Variants in KCNK13 observed in about 807,000 individuals in gnomAD.
The protein encoded by KCNK13 is potassium two pore domain channel subfamily K member 13.
Under a neutral mutation model 23.4 loss-of-function variants are expected in KCNK13, and 12 were observed. The observed-to-expected ratio is 0.51, with a 90% confidence interval of 0.33 to 0.83. KCNK13 has a LOEUF of 0.83. Ranked by LOEUF, KCNK13 falls within the 40% of genes least tolerant of loss-of-function variation. The pLI, the probability that KCNK13 is intolerant of heterozygous loss-of-function variation, is 0.02. For synonymous variants in KCNK13, 231 were observed against 229.5 expected, an observed-to-expected ratio of 1.01 and a Z score of -0.06; for missense variants, 463 against 556.3, an observed-to-expected ratio of 0.83 and a Z score of 1.69.
At position 90,124,012 on chromosome 14, in the gene KCNK13, G is replaced by T. The variant is rs181997107; in HGVS notation, c.335-60099G>T. Among the ~76,000 whole-genome samples the T allele has an allele frequency of 5.8e-3, 883 of 152,278 alleles. 4 individuals are homozygous for T. The highest frequency in any genetic ancestry group is 9.6e-3 in the Non-Finnish European group (650 of 68,016). On this transcript the variant is annotated intron_variant, in intron 1 of 1. Coordinates refer to ENST00000282146, the MANE Select transcript of KCNK13 (RefSeq NM_022054.4). ...AAAAGCTCCTTGCTGATTCTAATAT[G>T]TACCCAGGACCAAGAACCTTGTTTC...
intron 1 of KCNK13, among the ~76,000 whole-genome samples, chr14:90,172,692 G>A (rs1271260678): frequency 6.6e-6 from 1 of 152,142 alleles, no homozygotes; most frequent in Non-Finnish European, 1.5e-5. Context: ...TGTTATAAGT[G>A]TGTGGGTTTG....
At chr14:90,101,451 A>G (rs544826931) in intron 1 of KCNK13, among the ~76,000 whole-genome samples, 1 of 152,110 alleles carries the variant, frequency 6.6e-6, no homozygotes, top group South Asian at 2.1e-4. Context: ...AGAGGGATAC[A>G]AGACTACAAA....
At chr14:90,080,824 TC>T (rs1889200302) in intron 1 of KCNK13, among the ~76,000 whole-genome samples, 1 of 152,142 alleles carries the variant, frequency 6.6e-6, no homozygotes, top group Non-Finnish European at 1.5e-5. Flanking sequence ...TTAAAAAAAA[TC>T]TGTGACCCTG....
intron 1 of KCNK13, among the ~76,000 whole-genome samples, chr14:90,094,000 C>T (rs1259086590): frequency 6.6e-6 from 1 of 152,122 alleles, no homozygotes; most frequent in African/African-American, 2.4e-5. Flanking sequence ...GCCTCTTTCT[C>T]TCATGACAGC....
At chr14:90,067,264 C>A (rs1211420119) in intron 1 of KCNK13, among the ~76,000 whole-genome samples, 1 of 151,924 alleles carries the variant, frequency 6.6e-6, no homozygotes, top group Non-Finnish European at 1.5e-5. Flanking sequence ...GTGAGACCAT[C>A]TCAAGAAAAA....
chr14:90,068,152 A>G, intron 1 of KCNK13, among the ~76,000 whole-genome samples: 1 of 152,034 alleles, frequency 6.6e-6, no homozygotes, highest in East Asian at 1.9e-4. Context: ...GGCCACCACC[A>G]CCTGCAAGTA....
chr14:90,100,249 C>T (rs1358990225), intron 1 of KCNK13, among the ~76,000 whole-genome samples: 2 of 152,152 alleles, frequency 1.3e-5, no homozygotes, highest in African/African-American at 4.8e-5. Flanking sequence ...GATGTAAACA[C>T]GTGAGTCCAT....
intron 1 of KCNK13, among the ~76,000 whole-genome samples, chr14:90,163,680 CTTATTTATTTAT>C (rs10629193): frequency 3.3e-5 from 5 of 151,554 alleles, no homozygotes; most frequent in Non-Finnish European, 2.9e-5. Flanking sequence ...CTTCACGTTT[CTTATTTATTTAT>C]TTATTTATTT....
rs750730512 is a variant in KCNK13 at position 90,184,902 on chromosome 14, C to G, written c.1126C>G (p.His376Asp). The G allele has an allele frequency of 1.9e-6, 3 of 1,613,756 alleles. No homozygotes were observed. The highest frequency in any genetic ancestry group is 1.6e-4 in the Middle Eastern group (1 of 6,084). ...GTCTGAGATGGCCAACGGCTGCCCC[C>G]ACCAGACCAGCACACTGGCCCGGGA... The part of the protein sequence containing the change: ...QLSEMANGCP[H>D]QTSTLARDNE... Residue 376 changes from histidine (H) to aspartate (D), a missense_variant, in exon 2 of 2, where the codon CAC becomes GAC. By Grantham distance (81) the His-to-Asp change is moderately conservative. Coordinates refer to ENST00000282146, the MANE Select transcript of KCNK13 (RefSeq NM_022054.4). The surrounding 1 kb of genome is among the most constrained non-coding windows in gnomAD (Gnocchi z 5.6).
chr14:90,184,852 C>T lies in KCNK13; in HGVS notation c.1076C>T (p.Ser359Leu), dbSNP rs770204298. The change falls in exon 2 of 2, where the codon TCG (serine) becomes TTG (leucine). Residue 359 changes from serine (S) to leucine (L), a missense_variant. Ser to Leu is a moderately radical substitution (Grantham distance 145). Transcript: ENST00000282146. This position sits in a 1 kb window ranked among gnomAD's most constrained non-coding sequence, Gnocchi z 5.6. ...GACTTGCTGGCAGCCAACAAGGCCTCGTTGGCCATCCTGCAGAAGCAACTG... is the reference window on the plus strand; with the variant it reads ...GACTTGCTGGCAGCCAACAAGGCCTTGTTGGCCATCCTGCAGAAGCAACTG... ...MKDLLAANKASLAILQKQLSE... is the reference protein window; with the variant it reads ...MKDLLAANKALLAILQKQLSE... 11 of 1,613,680 alleles carry T rather than the reference C, an allele frequency of 6.8e-6. No homozygotes were observed. The highest frequency in any genetic ancestry group is 2.7e-5 in the African/African-American group (2 of 74,930).
chr14:90,093,823 C>T (rs1376525593), intron 1 of KCNK13, among the ~76,000 whole-genome samples: 2 of 152,194 alleles, frequency 1.3e-5, no homozygotes, highest in Non-Finnish European at 2.9e-5. Context: ...ATTCCTGGAA[C>T]TCTGGAATAC....
At chr14:90,108,455 A>C (rs1218358314) in intron 1 of KCNK13, among the ~76,000 whole-genome samples, 1 of 152,012 alleles carries the variant, frequency 6.6e-6, no homozygotes, top group East Asian at 1.9e-4. Context: ...TTATGAAATC[A>C]GTGGGTATTT....
intron 1 of KCNK13, among the ~76,000 whole-genome samples, chr14:90,151,424 TC>T (rs1376102667): frequency 1.3e-5 from 2 of 152,218 alleles, no homozygotes; most frequent in African/African-American, 4.8e-5. Flanking sequence ...CTTGGTGATT[TC>T]TATGTCTGCT....
At chr14:90,168,632 T>C (rs2140442199) in intron 1 of KCNK13, among the ~76,000 whole-genome samples, 1 of 152,336 alleles carries the variant, frequency 6.6e-6, no homozygotes, top group Non-Finnish European at 1.5e-5. Context: ...CTGGTCCTAC[T>C]CAACCTCCTG....
At chr14:90,091,959 C>T (rs981577791) in intron 1 of KCNK13, among the ~76,000 whole-genome samples, 5 of 147,412 alleles carry the variant, frequency 3.4e-5, no homozygotes, top group African/African-American at 1.3e-4. Context: ...CAGAGTCTCA[C>T]TCTGTCCCCC....
At chr14:90,146,152 G>A (rs1036303379) in intron 1 of KCNK13, among the ~76,000 whole-genome samples, 6 of 152,032 alleles carry the variant, frequency 3.9e-5, no homozygotes, top group Non-Finnish European at 7.4e-5. Flanking sequence ...CTGTTATTAG[G>A]TGCATAAACA....
chr14:90,107,109 A>G (rs1349725335), intron 1 of KCNK13, among the ~76,000 whole-genome samples: 1 of 152,188 alleles, frequency 6.6e-6, no homozygotes, highest in African/African-American at 2.4e-5. Flanking sequence ...AGGCTGACAC[A>G]GGTGCTCTGT....
chr14:90,100,015 C>T (rs911010419), intron 1 of KCNK13, among the ~76,000 whole-genome samples: 2 of 152,192 alleles, frequency 1.3e-5, no homozygotes, highest in Non-Finnish European at 2.9e-5. Flanking sequence ...TCTGTTTGCA[C>T]ATTACCTAAG....
At chr14:90,093,141 C>T (rs1889369117) in intron 1 of KCNK13, among the ~76,000 whole-genome samples, 1 of 152,098 alleles carries the variant, frequency 6.6e-6, no homozygotes, top group Non-Finnish European at 1.5e-5. Flanking sequence ...CACAACAACA[C>T]TCCATGCAAG....
Sources: gnomAD v4.1 joint callset for allele counts (sites outside exome capture counted in the v4.1 genomes callset) on GRCh38, gnomAD v4.1.1 for gene constraint, Gnocchi (gnomAD v3.1) non-coding constraint, MANE v1.5 for transcripts, NCBI Gene and HGNC (gene_info 2026-07-23, HGNC 2026-07-21) for gene names.